MAP6: variants seen among roughly 807,000 people sequenced by gnomAD.
MAP6 encodes the protein microtubule-associated protein 6.
MAP6 carries 26 observed loss-of-function variants against 42.4 expected under a neutral mutation model. The observed-to-expected ratio is 0.61, with a 90% CI of 0.45 to 0.85. The LOEUF (loss-of-function observed/expected upper bound fraction) is 0.85. Ranked by LOEUF, MAP6 falls within the 40% of genes least tolerant of loss-of-function variation. The pLI is 0.00. For missense variants in MAP6, 966 were observed against 1,099.0 expected (o/e 0.88, Z 1.71); for synonymous variants, 418 against 443.8 (o/e 0.94, Z 0.73).
intron 2 of MAP6, chr11:75,607,768 C>A: frequency 1.6e-6 from 1 of 634,622 alleles, no homozygotes; most frequent in Non-Finnish European, 2.0e-6. Context: ...TTCTGGGGCC[C>A]AAGCACATCT....
At chr11:75,588,438 G>C (rs747379767) in intron 3 of MAP6, among the ~76,000 whole-genome samples, 6 of 152,112 alleles carry the variant, frequency 3.9e-5, no homozygotes, top group Non-Finnish European at 8.8e-5. Flanking sequence ...GTGGCACAGG[G>C]GGTGGCACGC....
chr11:75,605,213 C>T (rs1247123865), intron 3 of MAP6: 1 of 985,480 alleles, frequency 1.0e-6, no homozygotes, highest in African/African-American at 1.7e-5. Flanking sequence ...CACAGGCACA[C>T]ATTTCTAATG....
chr11:75,653,643 A>C (rs1208174097), intron 1 of MAP6, among the ~76,000 whole-genome samples: 1 of 152,262 alleles, frequency 6.6e-6, no homozygotes, highest in East Asian at 1.9e-4. Flanking sequence ...TTACTCATGC[A>C]ATAAAATAAA....
chr11:75,667,672 GC>G lies in MAP6; in HGVS notation c.697del (p.Ala233ArgfsTer65). 1 of 1,266,716 alleles carries G rather than the reference GC, an allele frequency of 7.9e-7. No individual in the cohort carries two copies. The highest frequency in any genetic ancestry group is 9.9e-7 in the Non-Finnish European group (1 of 1,010,822). 78.5% of individuals were successfully genotyped at this position (1,266,716 alleles called of 1,614,324 possible). A position where few individuals can be genotyped will look rare whatever the true frequency, so the allele number is the denominator to read the frequency against. Reference protein sequence around the residue: ...GGLAAGKASGADERDTRRKAG... With the variant: ...GGLAAGKASGXDERDTRRKAG... ...CTTCCTGCGCGTGTCGCGCTCGTCC[GC>G]CCCGGACGCCTTTCCGGCCGCCAGG... On this transcript the variant is annotated frameshift_variant, in exon 1 of 4. Coordinates refer to ENST00000304771, the MANE Select transcript of MAP6 (RefSeq NM_033063.2). LOFTEE classifies it high-confidence loss of function. This position sits in a 1 kb window ranked among gnomAD's most constrained non-coding sequence, Gnocchi z 5.6.
chr11:75,602,754 G>C (rs142113790), intron 3 of MAP6: 4 of 842,716 alleles, frequency 4.7e-6, no homozygotes, highest in Admixed American at 6.2e-5. Flanking sequence ...AGAGCCCCAG[G>C]AAGACTGCAG....
chr11:75,599,302 C>T (rs1285459443), intron 3 of MAP6, among the ~76,000 whole-genome samples: 2 of 152,142 alleles, frequency 1.3e-5, no homozygotes, highest in African/African-American at 4.8e-5. Flanking sequence ...AATTTAAGCT[C>T]AATTCCACTG....
intron 1 of MAP6, among the ~76,000 whole-genome samples, chr11:75,643,322 AC>A (rs1447756926): frequency 1.3e-5 from 2 of 151,830 alleles, no homozygotes; most frequent in Non-Finnish European, 2.9e-5. Context: ...TTTTATAGCA[AC>A]CCAATCTTGC....
At chr11:75,663,214 C>T (rs186683271) in intron 1 of MAP6, among the ~76,000 whole-genome samples, 19 of 151,918 alleles carry the variant, frequency 1.3e-4, no homozygotes, top group East Asian at 9.7e-4. Flanking sequence ...CTCCTGACCT[C>T]GTGATCTGCC....
intron 1 of MAP6, among the ~76,000 whole-genome samples, chr11:75,626,961 C>G (rs899698864): frequency 3.9e-5 from 6 of 152,176 alleles, no homozygotes; most frequent in African/African-American, 1.4e-4. Flanking sequence ...TAACCACTGG[C>G]AGGAGGCGAT....
chr11:75,665,498 G>T (rs1016956177), intron 1 of MAP6, among the ~76,000 whole-genome samples: 2 of 152,184 alleles, frequency 1.3e-5, no homozygotes, highest in African/African-American at 4.8e-5. Context: ...CTGCTAGTGG[G>T]TAGTAAGGTT....
At chr11:75,641,947 G>C (rs1446427128) in intron 1 of MAP6, among the ~76,000 whole-genome samples, 1 of 152,206 alleles carries the variant, frequency 6.6e-6, no homozygotes, top group Non-Finnish European at 1.5e-5. Context: ...TGGCTGAAGA[G>C]AGCCACAGCT....
In MAP6 at chr11:75,587,166, G is replaced by C; in HGVS notation, c.2335C>G (p.Leu779Val). 1 of 1,614,090 alleles carries C rather than the reference G, an allele frequency of 6.2e-7. No individual in the cohort carries two copies. Among genetic ancestry groups the C allele is most frequent in the Non-Finnish European group, 8.5e-7 (1 of 1,180,006 alleles). The change falls in exon 4 of 4, where the codon CTG (leucine) becomes GTG (valine). Residue 779 changes from leucine (L) to valine (V), a missense_variant. Transcript: ENST00000304771. ...GGGTCCCTGGGACCTTGAGTCTTCA[G>C]AGGTTCAGGGACTGCAGGACCTTGG... ...KDQGPAVPEPLKTQGPRDPQL... is the reference protein window; with the variant it reads ...KDQGPAVPEPVKTQGPRDPQL...
At position 75,612,231 on chromosome 11, in the gene MAP6, A is replaced by ATCAT. The variant is rs373161135; in HGVS notation, c.906-3913_906-3910dup. ...TCCTGTGCAACTACATTTTTTCTTGATCATTCATTCATTCATTCATCCATT... is the reference window on the plus strand; with the variant it reads ...TCCTGTGCAACTACATTTTTTCTTGATCATTCATTCATTCATTCATTCATCCATT... On this transcript the variant is annotated intron_variant, in intron 1 of 3. Transcript: ENST00000304771. 1.2e-4 allele frequency among the ~76,000 whole-genome samples: 19 copies of ATCAT among 152,274 alleles called. No individual in the cohort carries two copies. The South Asian group carries it at 2.1e-3, about 17-fold the overall frequency.
intron 1 of MAP6, chr11:75,636,199 G>C (rs1426436402): frequency 6.6e-6 from 1 of 152,182 alleles, no homozygotes; most frequent in Non-Finnish European, 1.5e-5. Flanking sequence ...ACAACCTTGG[G>C]ATATAAACAG....
chr11:75,637,662 A>C (rs1249499408), intron 1 of MAP6, among the ~76,000 whole-genome samples: 3 of 152,144 alleles, frequency 2.0e-5, no homozygotes, highest in Admixed American at 6.5e-5. Flanking sequence ...TGTCAGCCTC[A>C]GATGTCACAT....
chr11:75,587,625 T>C lies in MAP6; in HGVS notation c.1876A>G (p.Lys626Glu). 6.2e-7 allele frequency: 1 copy of C among 1,614,106 alleles called. No individual in the cohort carries two copies. Among genetic ancestry groups the C allele is most frequent in the South Asian group, 1.1e-5 (1 of 91,064 alleles). ...GCTGAGACCATGGGACCTTCATCCT[T>C]GACAGGTGCTGGGACTATGGGACCT... ...GEGPIVPAPVKDEGPMVSAPI... is the reference protein window; with the variant it reads ...GEGPIVPAPVEDEGPMVSAPI... Residue 626 changes from lysine (K) to glutamate (E), a missense_variant, in exon 4 of 4, where the codon AAG becomes GAG. Coordinates refer to ENST00000304771, the MANE Select transcript of MAP6 (RefSeq NM_033063.2).
chr11:75,619,768 A>C (rs1039341376), intron 1 of MAP6, among the ~76,000 whole-genome samples: 6 of 152,198 alleles, frequency 3.9e-5, no homozygotes, highest in Non-Finnish European at 8.8e-5. Flanking sequence ...GCTATTGTGA[A>C]TAGTGCTGCG....
At chr11:75,641,678 G>A (rs1259928966) in intron 1 of MAP6, among the ~76,000 whole-genome samples, 1 of 152,208 alleles carries the variant, frequency 6.6e-6, no homozygotes, top group East Asian at 1.9e-4. Context: ...CTAAAATGCA[G>A]TCTGATCCAG....
At chr11:75,652,327 T>A (rs76653216) in intron 1 of MAP6, among the ~76,000 whole-genome samples, 1 of 152,190 alleles carries the variant, frequency 6.6e-6, no homozygotes, top group South Asian at 2.1e-4. Context: ...ACACTTGTTA[T>A]ATGGGAATAT....
Sources: gnomAD v4.1 joint callset for allele counts (sites outside exome capture counted in the v4.1 genomes callset) on GRCh38, gnomAD v4.1.1 for gene constraint, Gnocchi (gnomAD v3.1) non-coding constraint, MANE v1.5 for transcripts, NCBI Gene and HGNC (gene_info 2026-07-23, HGNC 2026-07-21) for gene names.